The following ADAMTS16 variants were observed in gnomAD, a reference collection of about 807,000 sequenced individuals.
The protein encoded by ADAMTS16 is A disintegrin and metalloproteinase with thrombospondin motifs 16.
In ADAMTS16, 94 loss-of-function variants were observed where a neutral mutation model predicts 145.8. That is an observed-to-expected ratio of 0.64 (90% CI 0.55 to 0.77). The LOEUF (loss-of-function observed/expected upper bound fraction) is 0.77, where lower values mean the gene tolerates loss of function less well. ADAMTS16 is among the 30% of genes least tolerant of loss of function. The pLI is 0.00. For synonymous variants in ADAMTS16, 659 were observed against 604.3 expected, an observed-to-expected ratio of 1.09 and a Z score of -1.33; for missense variants, 1,585 against 1,591.5, an observed-to-expected ratio of 1.00 and a Z score of 0.07.
At chr5:5,152,154 T>C (rs1178851610) in intron 3 of ADAMTS16, among the ~76,000 whole-genome samples, 2 of 152,258 alleles carry the variant, frequency 1.3e-5, no homozygotes, top group Non-Finnish European at 2.9e-5. Context: ...CTGCTCCAAA[T>C]AATTTCAGGC....
chr5:5,193,162 T>TGTGC (rs1383577452), intron 8 of ADAMTS16, among the ~76,000 whole-genome samples: 10 of 106,972 alleles, frequency 9.3e-5, no homozygotes, highest in Admixed American at 6.7e-4. Context: ...TGTGTGTGTG[T>TGTGC]GCGCGCGCGC....
chr5:5,194,817 C>T (rs147268186), intron 8 of ADAMTS16, among the ~76,000 whole-genome samples: 1 of 152,208 alleles, frequency 6.6e-6, no homozygotes, highest in African/African-American at 2.4e-5. Context: ...GAGTTCTGTA[C>T]GTCAAGAATT....
intron 18 of ADAMTS16, among the ~76,000 whole-genome samples, chr5:5,292,247 G>A (rs549408575): frequency 6.6e-6 from 1 of 152,314 alleles, no homozygotes; most frequent in South Asian, 2.1e-4. Context: ...TGTAATCCCA[G>A]CCCTTTAAGA....
At chr5:5,276,409 C>T (rs1013588996) in intron 18 of ADAMTS16, among the ~76,000 whole-genome samples, 2 of 152,166 alleles carry the variant, frequency 1.3e-5, no homozygotes, top group Non-Finnish European at 2.9e-5. Flanking sequence ...ATAGATAAGA[C>T]AGACCCGAGT....
Position 5,237,048 on chromosome 5 carries a change from G to T in ADAMTS16, c.2103G>T (p.Gly701=). The change falls in exon 14 of 23, where the codon GGG becomes GGT. Residue 701 remains glycine (G), a synonymous_variant. Transcript: ENST00000274181. The stretch of plus-strand genomic sequence containing the variant: ...CTTTGTCAAATAAAGTCAAAGATGG[G>T]ACTCCATGCTCGGAGGATAGCCGTA... ...FFSLSNKVKD[G]TPCSEDSRNV... 6.2e-7 allele frequency: 1 copy of T among 1,614,124 alleles called. No homozygotes were observed. Among genetic ancestry groups the T allele is most frequent in the Non-Finnish European group, 8.5e-7 (1 of 1,180,010 alleles).
chr5:5,245,288 G>A (rs940481065), intron 17 of ADAMTS16, among the ~76,000 whole-genome samples: 1 of 152,162 alleles, frequency 6.6e-6, no homozygotes, highest in African/African-American at 2.4e-5. Flanking sequence ...CTGCTTGGAT[G>A]ATTGATATTG....
intron 17 of ADAMTS16, among the ~76,000 whole-genome samples, chr5:5,242,620 T>A (rs1277985408): frequency 6.6e-6 from 1 of 152,158 alleles, no homozygotes; most frequent in African/African-American, 2.4e-5. Flanking sequence ...TGGAAAGAGC[T>A]TTGCCTGCAA....
chr5:5,151,724 G>A (rs918384097), intron 3 of ADAMTS16, among the ~76,000 whole-genome samples: 1 of 132,542 alleles, frequency 7.5e-6, no homozygotes. Context: ...GTGTGTGTGT[G>A]TATGTGTGTG....
intron 18 of ADAMTS16, among the ~76,000 whole-genome samples, chr5:5,278,133 A>C (rs1738771810): frequency 1.3e-5 from 2 of 152,074 alleles, no homozygotes; most frequent in African/African-American, 2.4e-5. Flanking sequence ...CATTGTTTAA[A>C]CCCTTCATTG....
chr5:5,140,581 C>T, intron 1 of ADAMTS16, 42 bp downstream of exon 1: 6 of 1,508,570 alleles, frequency 4.0e-6, no homozygotes, highest in South Asian at 1.2e-5. Flanking sequence ...ACCGCGGGTC[C>T]GGACAGCTGG....
At chr5:5,286,538 A>G (rs972295187) in intron 18 of ADAMTS16, among the ~76,000 whole-genome samples, 1 of 152,202 alleles carries the variant, frequency 6.6e-6, no homozygotes, top group Non-Finnish European at 1.5e-5. Context: ...AGCTGACTAA[A>G]TATCTAACAA....
chr5:5,174,212 CT>C (rs1177687449), intron 3 of ADAMTS16, among the ~76,000 whole-genome samples: 4 of 152,132 alleles, frequency 2.6e-5, no homozygotes, highest in Non-Finnish European at 4.4e-5. Context: ...GATATTTTCT[CT>C]GCATATATTA....
intron 18 of ADAMTS16, among the ~76,000 whole-genome samples, chr5:5,299,843 G>T (rs545636541): frequency 2.7e-4 from 41 of 152,204 alleles, no homozygotes; most frequent in Non-Finnish European, 4.6e-4. Context: ...AAGCGAGAAC[G>T]CTTGTGGCCA....
intron 18 of ADAMTS16, among the ~76,000 whole-genome samples, chr5:5,281,606 G>C (rs1310154504): frequency 6.6e-6 from 1 of 152,176 alleles, no homozygotes; most frequent in East Asian, 1.9e-4. Context: ...AGAGCGTGAA[G>C]GTTATGCCCT....
intron 18 of ADAMTS16, among the ~76,000 whole-genome samples, chr5:5,281,725 A>C (rs1738918503): frequency 6.6e-6 from 1 of 152,210 alleles, no homozygotes; most frequent in African/African-American, 2.4e-5. Context: ...AGTGAGAAAA[A>C]TACCAGGGAC....
chr5:5,206,422 TCTCAAAAAAAAAAAAAAAAAAAAAAGA>T (rs1736118825), intron 9 of ADAMTS16, among the ~76,000 whole-genome samples: 3 of 16,442 alleles, frequency 1.8e-4, no homozygotes, highest in African/African-American at 9.6e-4. Flanking sequence ...CGAGACTCCG[TCTCAAAAAAAAAAAAAAAAAAAAAAGA>T]TCTGCCTTTA....
chr5:5,317,923 A>G lies in ADAMTS16; in HGVS notation c.3412-211A>G, dbSNP rs1377521197. On this transcript the variant is annotated intron_variant, in intron 21 of 22. Coordinates refer to ENST00000274181, the MANE Select transcript of ADAMTS16 (RefSeq NM_139056.4). The surrounding 1 kb of genome is among the most constrained non-coding windows in gnomAD (Gnocchi z 4.5). Reference sequence around the variant, plus strand: ...CTCTGCTAGAGGCCTGGCCCAGCACATGCCTGGTGCTTGCTTCTGGAAAAG... The same window carrying G: ...CTCTGCTAGAGGCCTGGCCCAGCACGTGCCTGGTGCTTGCTTCTGGAAAAG... Among the ~76,000 whole-genome samples, 1 of 152,206 alleles carries G rather than the reference A, an allele frequency of 6.6e-6. No individual in the cohort carries two copies. Among genetic ancestry groups the G allele is most frequent in the Non-Finnish European group, 1.5e-5 (1 of 68,038 alleles).
intron 21 of ADAMTS16, among the ~76,000 whole-genome samples, chr5:5,314,062 G>C (rs891125537): frequency 9.2e-5 from 14 of 152,178 alleles, no homozygotes; most frequent in African/African-American, 3.4e-4. Context: ...TCACAACGTC[G>C]GTTATGTGGA....
chr5:5,230,874 C>T (rs1411772512), intron 11 of ADAMTS16, among the ~76,000 whole-genome samples: 1 of 152,138 alleles, frequency 6.6e-6, no homozygotes, highest in South Asian at 2.1e-4. Flanking sequence ...TCTGGGGCTT[C>T]GAATCCTGTT....
Sources: allele counts gnomAD v4.1 joint callset (sites outside exome capture counted in the v4.1 genomes callset), GRCh38; gene constraint gnomAD v4.1.1; non-coding constraint Gnocchi (gnomAD v3.1); transcripts MANE v1.5; gene names NCBI Gene and HGNC (gene_info 2026-07-23, HGNC 2026-07-21).